GNA11: variants seen among roughly 807,000 people sequenced by gnomAD.
GNA11 encodes G protein subunit alpha 11.
In GNA11, 8 loss-of-function variants were observed where a neutral mutation model predicts 38.2. The observed-to-expected ratio is 0.21, with a 90% CI of 0.12 to 0.38. GNA11 has a LOEUF of 0.38. Ranked by LOEUF, GNA11 falls within the 10% of genes least tolerant of loss-of-function variation. The pLI is 1.00. For synonymous variants in GNA11, 211 were observed against 221.4 expected, an observed-to-expected ratio of 0.95 and a Z score of 0.42; for missense variants, 268 against 516.3, an observed-to-expected ratio of 0.52 and a Z score of 4.66.
chr19:3,109,156 A>G (rs769883169), intron 1 of GNA11, among the ~76,000 whole-genome samples: 3 of 152,250 alleles, frequency 2.0e-5, no homozygotes, highest in Non-Finnish European at 4.4e-5. Context: ...ATTTGTGGAC[A>G]CACTGGAAAA....
At chr19:3,105,134 C>T (rs998018071) in intron 1 of GNA11, among the ~76,000 whole-genome samples, 2 of 152,070 alleles carry the variant, frequency 1.3e-5, no homozygotes, top group Non-Finnish European at 2.9e-5. Flanking sequence ...ACTCGTCACC[C>T]GTGGAGTGCG....
chr19:3,098,950 T>C (rs1913436794), intron 1 of GNA11, among the ~76,000 whole-genome samples: 1 of 152,200 alleles, frequency 6.6e-6, no homozygotes, highest in Non-Finnish European at 1.5e-5. Flanking sequence ...TTCCCGGGCA[T>C]GGTCCGGGAA....
At chr19:3,109,381 G>T (rs1052984566) in intron 1 of GNA11, among the ~76,000 whole-genome samples, 9 of 152,240 alleles carry the variant, frequency 5.9e-5, no homozygotes, top group Non-Finnish European at 1.0e-4. Flanking sequence ...AGGCTGACTT[G>T]CTAATCCTTT....
rs1031849121 is a variant in GNA11, at chr19:3,110,696, C to A, written c.321+363C>A. On this transcript the variant is annotated intron_variant, in intron 2 of 6. Transcript: ENST00000078429. This position sits in a 1 kb window ranked among gnomAD's most constrained non-coding sequence, Gnocchi z 5.4. ...AGCAGCGTGAGCTCCTGGTTCCGGC[C>A]CCTTCCCCAGGCTGAGCAGCCTACC... Among the ~76,000 whole-genome samples, 1 of 152,240 alleles carries A rather than the reference C, an allele frequency of 6.6e-6. No homozygotes were observed. The highest frequency in any genetic ancestry group is 2.1e-4 in the South Asian group (1 of 4,828).
At chr19:3,098,762 T>G (rs374063351) in intron 1 of GNA11, among the ~76,000 whole-genome samples, 13 of 152,298 alleles carry the variant, frequency 8.5e-5, no homozygotes, top group South Asian at 8.3e-4. Flanking sequence ...AGGGTGGCTG[T>G]GCCGTGTCCC....
chr19:3,107,715 G>GT (rs1913672513), intron 1 of GNA11, among the ~76,000 whole-genome samples: 1 of 152,114 alleles, frequency 6.6e-6, no homozygotes, highest in South Asian at 2.1e-4. Flanking sequence ...GTCACAATTC[G>GT]GGGGGGTGCT....
Position 3,113,456 on chromosome 19 carries a change from G to A in GNA11, c.448G>A (p.Glu150Lys), listed in dbSNP as rs752848608. The stretch of plus-strand genomic sequence containing the variant: ...CCAGGAATGCTACGACCGCAGGCGC[G>A]AGTACCAGCTCTCCGACTCTGCCAA... ...GIQECYDRRREYQLSDSAKYY... is the reference protein window; with the variant it reads ...GIQECYDRRRKYQLSDSAKYY... The change falls in exon 3 of 7, where the codon GAG becomes AAG. Residue 150 changes from glutamate (E) to lysine (K), a missense_variant. By Grantham distance (56) the Glu-to-Lys change is moderately conservative. Coordinates refer to ENST00000078429, the MANE Select transcript of GNA11 (RefSeq NM_002067.5). 4 of 1,610,318 alleles carry A rather than the reference G, an allele frequency of 2.5e-6. No individual in the cohort carries two copies. The highest frequency in any genetic ancestry group is 1.7e-5 in the Admixed American group (1 of 59,748).
At chr19:3,097,668 G>C (rs941450608) in intron 1 of GNA11, among the ~76,000 whole-genome samples, 3 of 152,186 alleles carry the variant, frequency 2.0e-5, no homozygotes, top group South Asian at 2.1e-4. Context: ...TTTTCGGGGT[G>C]GGGGGGACCT....
rs1914135780 is a variant in GNA11, at chr19:3,123,391, G to C, written c.*2212G>C. 4.3e-6 allele frequency: 1 copy of C among 233,272 alleles called. No homozygotes were observed. Among genetic ancestry groups the C allele is most frequent in the Non-Finnish European group, 8.5e-6 (1 of 118,132 alleles). 14.5% of individuals were successfully genotyped at this position (233,272 alleles called of 1,614,324 possible). The stretch of plus-strand genomic sequence containing the variant: ...AGCAGAGGTAGGTGTTGCAGGCCCA[G>C]GGCAGGGGTGCCTGCCCCAGGAGAG... On this transcript the variant is annotated 3_prime_UTR_variant, in exon 7 of 7. Coordinates refer to ENST00000078429, the MANE Select transcript of GNA11 (RefSeq NM_002067.5).
Position 3,122,949 on chromosome 19 carries a change from C to G in GNA11, c.*1770C>G, listed in dbSNP as rs538851067. On this transcript the variant is annotated 3_prime_UTR_variant, in exon 7 of 7. Coordinates refer to ENST00000078429, the MANE Select transcript of GNA11 (RefSeq NM_002067.5). This position sits in a 1 kb window ranked among gnomAD's most constrained non-coding sequence, Gnocchi z 7.7. ...GGAGACGGGGCTGGCGGGATACCCCCCCCCCGGCTTCCCCACACCACTTCT... is the reference window on the plus strand; with the variant it reads ...GGAGACGGGGCTGGCGGGATACCCCGCCCCCGGCTTCCCCACACCACTTCT... 5.4e-4 allele frequency: 127 copies of G among 233,560 alleles called. No individual in the cohort carries two copies. The South Asian group carries it at 7.4e-3, about 14-fold the overall frequency. The allele number at this position is 233,560 out of a possible 1,614,324, so 14.5% of individuals were successfully genotyped here. A position where few individuals can be genotyped will look rare whatever the true frequency, so the allele number is the denominator to read the frequency against.
At chr19:3,107,721 G>T (rs1480833941) in intron 1 of GNA11, among the ~76,000 whole-genome samples, 2 of 152,178 alleles carry the variant, frequency 1.3e-5, no homozygotes, top group Admixed American at 6.5e-5. Context: ...ATTCGGGGGG[G>T]TGCTCCTGAG....
chr19:3,123,222 C>T lies in GNA11; in HGVS notation c.*2043C>T, dbSNP rs757329339. On this transcript the variant is annotated 3_prime_UTR_variant, in exon 7 of 7. Coordinates refer to ENST00000078429, the MANE Select transcript of GNA11 (RefSeq NM_002067.5). The stretch of plus-strand genomic sequence containing the variant: ...GGCCTGAGGGTGGAGTCGCCCAGCA[C>T]GCAGGCCGGGGCGCTGCGGGGCTAA... The T allele has an allele frequency of 3.0e-4, 69 of 233,246 alleles. No individual in the cohort carries two copies. The highest frequency in any genetic ancestry group is 4.6e-4 in the Non-Finnish European group (54 of 118,122). 14.4% of individuals were successfully genotyped at this position (233,246 alleles called of 1,614,324 possible).
Position 3,121,372 on chromosome 19 carries a change from C to T in GNA11, c.*193C>T, listed in dbSNP as rs1221723871. 1.6e-5 allele frequency: 8 copies of T among 493,958 alleles called. No individual in the cohort carries two copies. The highest frequency in any genetic ancestry group is 3.7e-5 in the Admixed American group (1 of 27,082). 30.6% of individuals were successfully genotyped at this position (493,958 alleles called of 1,614,324 possible). A position where few individuals can be genotyped will look rare whatever the true frequency, so the allele number is the denominator to read the frequency against. ...ATCAGGGGATGTACATCTCTCCCTC[C>T]GTACACTTCGCGCACCTTCTCACCT... is the stretch of plus-strand genomic sequence containing the variant. On this transcript the variant is annotated 3_prime_UTR_variant, in exon 7 of 7. Transcript: ENST00000078429.
chr19:3,095,483 ACTCCATGCAGGCCCTGTACC>A lies in GNA11; in HGVS notation c.136+716_136+735del, dbSNP rs1394630678. Among the ~76,000 whole-genome samples the A allele has an allele frequency of 4.0e-3, 592 of 148,322 alleles. 2 individuals are homozygous for A. The highest frequency in any genetic ancestry group is 0.011 in the African/African-American group (431 of 40,062). On this transcript the variant is annotated intron_variant, in intron 1 of 6. Transcript: ENST00000078429. Reference sequence around the variant, plus strand: ...CTTCCCTCCAGGCAGAGCCCTGTACACTCCATGCAGGCCCTGTACCCTCCATGCAGGCCCTGTACACCCCC... The same window carrying A: ...CTTCCCTCCAGGCAGAGCCCTGTACACTCCATGCAGGCCCTGTACACCCCC...
Position 3,121,592 on chromosome 19 carries a change from CCCCCACACCGCAG to C in GNA11, c.*418_*430del, listed in dbSNP as rs1177654176. 8.5e-6 allele frequency: 2 copies of C among 234,452 alleles called. No homozygotes were observed. The allele number at this position is 234,452 out of a possible 1,614,324, so 14.5% of individuals were successfully genotyped here. ...GCCCCGCCCTGCAGCCAGTCACGCG[CCCCCACACCGCAG>C]CCCCCCGTGGCTGTCCTTCCAACCC... is the stretch of plus-strand genomic sequence containing the variant. On this transcript the variant is annotated 3_prime_UTR_variant, in exon 7 of 7. Transcript: ENST00000078429.
chr19:3,100,587 G>T (rs561675212), intron 1 of GNA11, among the ~76,000 whole-genome samples: 1 of 152,328 alleles, frequency 6.6e-6, no homozygotes, highest in Non-Finnish European at 1.5e-5. Context: ...CTCTGCTGGG[G>T]CAGGCTCGGT....
chr19:3,102,115 CA>C (rs1913520262), intron 1 of GNA11, among the ~76,000 whole-genome samples: 1 of 150,498 alleles, frequency 6.6e-6, no homozygotes, highest in Non-Finnish European at 1.5e-5. Flanking sequence ...AACAAACAAA[CA>C]AAACAAAACA....
At chr19:3,105,128 G>A (rs1263611294) in intron 1 of GNA11, among the ~76,000 whole-genome samples, 7 of 152,048 alleles carry the variant, frequency 4.6e-5, no homozygotes, top group Non-Finnish European at 8.8e-5. Context: ...GGTTTGACTC[G>A]TCACCCGTGG....
intron 4 of GNA11, among the ~76,000 whole-genome samples, chr19:3,115,773 G>T (rs1159429483): frequency 7.2e-6 from 1 of 138,664 alleles, no homozygotes; most frequent in Non-Finnish European, 1.6e-5. Flanking sequence ...TAGGGACCGA[G>T]GCTGTGAGGG....
Sources: gnomAD v4.1 joint callset for allele counts (sites outside exome capture counted in the v4.1 genomes callset) on GRCh38, gnomAD v4.1.1 for gene constraint, Gnocchi (gnomAD v3.1) non-coding constraint, MANE v1.5 for transcripts, NCBI Gene and HGNC (gene_info 2026-07-23, HGNC 2026-07-21) for gene names.